Variants in LIMS1 observed in about 807,000 individuals in gnomAD.
LIMS1 encodes LIM and senescent cell antigen-like-containing domain protein 1.
Under a neutral mutation model 44.1 loss-of-function variants are expected in LIMS1, and 18 were observed. The ratio of observed to expected loss-of-function variants is 0.41; its 90% confidence interval spans 0.28 to 0.61. The LOEUF (loss-of-function observed/expected upper bound fraction) is 0.61, where lower values mean the gene tolerates loss of function less well. Among genes scored for constraint, LIMS1 ranks in the 20% least tolerant of loss-of-function variants. LIMS1 has a pLI of 0.32. For missense variants in LIMS1, 201 were observed against 422.0 expected, an observed-to-expected ratio of 0.48 and a Z score of 4.59; for synonymous variants, 93 against 149.1, an observed-to-expected ratio of 0.62 and a Z score of 2.74.
chr2:108,579,148 G>C (rs924011617), intron 1 of LIMS1, among the ~76,000 whole-genome samples: 13 of 151,896 alleles, frequency 8.6e-5, no homozygotes, highest in African/African-American at 2.9e-4. Context: ...TCCAAATTTT[G>C]TAACAAAAAC....
At chr2:108,554,955 G>C (rs1684874736) in intron 1 of LIMS1, among the ~76,000 whole-genome samples, 1 of 152,202 alleles carries the variant, frequency 6.6e-6, no homozygotes, top group Non-Finnish European at 1.5e-5. Context: ...TCCTCTGGGA[G>C]TTCATGTGCA....
At position 108,575,415 on chromosome 2, in the gene LIMS1, C is replaced by G. The variant is rs78406374; in HGVS notation, c.32+40821C>G. 9.3e-3 allele frequency among the ~76,000 whole-genome samples: 1,409 copies of G among 152,308 alleles called. 26 individuals carry two copies. The highest frequency in any genetic ancestry group is 0.032 in the African/African-American group (1,348 of 41,560). Reference sequence around the variant, plus strand: ...AAATAGTAGAGATTTGCTGCCCTTACGGCTCACAGAGCTGCAGCCTAGCAG... The same window carrying G: ...AAATAGTAGAGATTTGCTGCCCTTAGGGCTCACAGAGCTGCAGCCTAGCAG... On this transcript the variant is annotated intron_variant, in intron 1 of 9. Transcript: ENST00000544547.
intron 1 of LIMS1, among the ~76,000 whole-genome samples, chr2:108,603,374 A>G (rs1687111781): frequency 6.6e-6 from 1 of 151,652 alleles, no homozygotes; most frequent in Non-Finnish European, 1.5e-5. Flanking sequence ...GGTTGTATGT[A>G]TCTAGGAATT....
intron 1 of LIMS1, among the ~76,000 whole-genome samples, chr2:108,628,727 A>G (rs1688724779): frequency 6.6e-6 from 1 of 152,210 alleles, no homozygotes; most frequent in African/African-American, 2.4e-5. Flanking sequence ...TGGCTCCCAA[A>G]TCGCTGGGAT....
intron 1 of LIMS1, among the ~76,000 whole-genome samples, chr2:108,551,355 A>G (rs1460447004): frequency 6.8e-6 from 1 of 146,964 alleles, no homozygotes; most frequent in Non-Finnish European, 1.5e-5. Flanking sequence ...TATATAATGT[A>G]TTATGTATTA....
chr2:108,660,217 G>C (rs1452287006), intron 2 of LIMS1: 10 of 473,678 alleles, frequency 2.1e-5, no homozygotes, highest in Non-Finnish European at 4.3e-5. Flanking sequence ...CAACTTCCCA[G>C]CCTCGAGCCA....
Position 108,612,029 on chromosome 2 carries a change from T to C in LIMS1, c.33-47576T>C, listed in dbSNP as rs78602752. Among the ~76,000 whole-genome samples the C allele has an allele frequency of 0.03, 2,394 of 79,906 alleles. 219 individuals carry two copies. In the East Asian group the frequency reaches 0.37, roughly 12 times the overall value. The allele number at this position is 79,906 out of a possible 152,430, so 52.4% of individuals were successfully genotyped here. ...ACACATATATATATACACACACATA[T>C]ACACACACACACACACACACACACA... is the stretch of plus-strand genomic sequence containing the variant. On this transcript the variant is annotated intron_variant, in intron 1 of 9. Transcript: ENST00000544547.
chr2:108,629,151 T>C (rs1323755010), intron 1 of LIMS1, among the ~76,000 whole-genome samples: 2 of 152,218 alleles, frequency 1.3e-5, no homozygotes, highest in Non-Finnish European at 2.9e-5. Flanking sequence ...AGAATTCTAA[T>C]TGATCGGGGT....
At chr2:108,664,388 C>T (rs1249355569) in intron 2 of LIMS1, among the ~76,000 whole-genome samples, 3 of 152,170 alleles carry the variant, frequency 2.0e-5, no homozygotes, top group African/African-American at 7.2e-5. Context: ...CAGTTAGAGC[C>T]ATTCTTGGAG....
intron 1 of LIMS1, among the ~76,000 whole-genome samples, chr2:108,578,136 C>T (rs1685739940): frequency 2.0e-5 from 3 of 152,180 alleles, no homozygotes. Flanking sequence ...GTCTCGAACT[C>T]CTGACCTCGT....
At position 108,561,549 on chromosome 2, in the gene LIMS1, A is replaced by G. The variant is rs576586620; in HGVS notation, c.32+26955A>G. Among the ~76,000 whole-genome samples the G allele has an allele frequency of 1.1e-4, 16 of 152,206 alleles. 1 individual carries two copies. The highest frequency in any genetic ancestry group is 7.7e-4 in the East Asian group (4 of 5,188). ...AGAAAGATATACCTCATTTTATTGC[A>G]CTTCACAGATACTGCATATTTTACA... On this transcript the variant is annotated intron_variant, in intron 1 of 9. Transcript: ENST00000544547.
At chr2:108,570,448 T>C (rs1444937135) in intron 1 of LIMS1, among the ~76,000 whole-genome samples, 1 of 152,030 alleles carries the variant, frequency 6.6e-6, no homozygotes, top group Non-Finnish European at 1.5e-5. Context: ...AAAGTAATAC[T>C]ATATTCTCTT....
At chr2:108,557,558 C>A (rs907857975) in intron 1 of LIMS1, among the ~76,000 whole-genome samples, 2 of 151,638 alleles carry the variant, frequency 1.3e-5, no homozygotes, top group Non-Finnish European at 2.9e-5. Context: ...GCTCTGTTGC[C>A]CTGGCTAGAG....
intron 2 of LIMS1, among the ~76,000 whole-genome samples, chr2:108,665,524 TTTTA>T (rs1386105292): frequency 1.3e-5 from 2 of 152,080 alleles, no homozygotes; most frequent in Non-Finnish European, 2.9e-5. Context: ...TATTTTTATT[TTTTA>T]TTTATTTATT....
At chr2:108,594,600 G>A (rs1472521909) in intron 1 of LIMS1, among the ~76,000 whole-genome samples, 1 of 152,088 alleles carries the variant, frequency 6.6e-6, no homozygotes, top group Non-Finnish European at 1.5e-5. Flanking sequence ...ATCTAGAATG[G>A]TGCTATCCTG....
chr2:108,540,579 A>G (rs1342452684), intron 1 of LIMS1, among the ~76,000 whole-genome samples: 1 of 152,228 alleles, frequency 6.6e-6, no homozygotes, highest in Non-Finnish European at 1.5e-5. Flanking sequence ...TTAACGTGCT[A>G]AAAAGACAAT....
At chr2:108,682,450 A>G (rs1693071535) in intron 9 of LIMS1, among the ~76,000 whole-genome samples, 1 of 152,274 alleles carries the variant, frequency 6.6e-6, no homozygotes, top group Admixed American at 6.5e-5. Flanking sequence ...CAGTGAGCCG[A>G]GATCGTGCCA....
At chr2:108,603,516 T>C (rs959861446) in intron 1 of LIMS1, among the ~76,000 whole-genome samples, 33 of 149,102 alleles carry the variant, frequency 2.2e-4, no homozygotes, top group African/African-American at 6.4e-4. Context: ...TTTTTTTTTT[T>C]CCACTTGAGA....
intron 1 of LIMS1, among the ~76,000 whole-genome samples, chr2:108,558,734 G>A (rs1192784539): frequency 1.3e-5 from 2 of 149,462 alleles, no homozygotes; most frequent in African/African-American, 2.5e-5. Context: ...GCAGTGGTGC[G>A]ATCTCGGCTC....
Sources: gnomAD v4.1 joint callset for allele counts (sites outside exome capture counted in the v4.1 genomes callset) on GRCh38, gnomAD v4.1.1 for gene constraint, MANE v1.5 for transcripts, NCBI Gene and HGNC (gene_info 2026-07-23, HGNC 2026-07-21) for gene names.